Variants in TBC1D5 observed in about 807,000 individuals in gnomAD.
TBC1D5 encodes TBC1 domain family, member 5.
TBC1D5 carries 75 observed loss-of-function variants against 100.3 expected under a neutral mutation model. The observed-to-expected ratio is 0.75, with a 90% CI of 0.62 to 0.91. The LOEUF (loss-of-function observed/expected upper bound fraction) is 0.91. Ranked by LOEUF, TBC1D5 falls within the 40% of genes least tolerant of loss-of-function variation. The pLI is 0.00. For synonymous variants in TBC1D5, 323 were observed against 325.6 expected, an observed-to-expected ratio of 0.99 and a Z score of 0.09; for missense variants, 910 against 942.4, an observed-to-expected ratio of 0.97 and a Z score of 0.45.
intron 19 of TBC1D5, among the ~76,000 whole-genome samples, chr3:17,171,574 G>C (rs1051732479): frequency 5.3e-5 from 8 of 152,102 alleles, no homozygotes; most frequent in African/African-American, 1.9e-4. Context: ...CATCGCTCCA[G>C]TCTTCGCATC....
At chr3:17,650,918 C>T (rs2065486514) in intron 1 of TBC1D5, among the ~76,000 whole-genome samples, 1 of 152,170 alleles carries the variant, frequency 6.6e-6, no homozygotes, top group African/African-American at 2.4e-5. Flanking sequence ...AGATTTTATA[C>T]TGCATTGACA....
At chr3:17,531,522 G>T (rs2096225234) in intron 2 of TBC1D5, among the ~76,000 whole-genome samples, 2 of 152,096 alleles carry the variant, frequency 1.3e-5, no homozygotes, top group South Asian at 2.1e-4. Flanking sequence ...AGCCCGCATT[G>T]CCAAGTCAAT....
At chr3:17,167,724 A>T in intron 20 of TBC1D5, 25 bp downstream of exon 21, 1 of 1,607,754 alleles carries the variant, frequency 6.2e-7, no homozygotes, top group Non-Finnish European at 8.5e-7. Context: ...GACACAAAGA[A>T]ATAGTGTCAG....
At chr3:17,697,335 T>C (rs186310435) in intron 1 of TBC1D5, among the ~76,000 whole-genome samples, 104 of 152,324 alleles carry the variant, frequency 6.8e-4, no homozygotes, top group African/African-American at 2.4e-3. Context: ...GCAGATGACA[T>C]GATTGTATAT....
At chr3:17,336,786 C>G (rs145989945) in intron 13 of TBC1D5, among the ~76,000 whole-genome samples, 1 of 151,530 alleles carries the variant, frequency 6.6e-6, no homozygotes, top group East Asian at 1.9e-4. Context: ...AAGAAGAAAG[C>G]GTCGATGATA....
intron 4 of TBC1D5, among the ~76,000 whole-genome samples, chr3:17,412,082 A>G (rs2093942229): frequency 1.3e-5 from 2 of 152,206 alleles, no homozygotes; most frequent in Admixed American, 1.3e-4. Flanking sequence ...TAAAACATAC[A>G]AAGTTAAAGA....
chr3:17,507,902 A>G (rs2095860361), intron 3 of TBC1D5, among the ~76,000 whole-genome samples: 1 of 152,174 alleles, frequency 6.6e-6, no homozygotes, highest in Non-Finnish European at 1.5e-5. Flanking sequence ...ATACATAAAC[A>G]TTTGATACAT....
At chr3:17,525,860 T>C (rs2096127986) in intron 2 of TBC1D5, among the ~76,000 whole-genome samples, 1 of 152,060 alleles carries the variant, frequency 6.6e-6, no homozygotes, top group Non-Finnish European at 1.5e-5. Flanking sequence ...TTTAAATTGA[T>C]CTATTCTCAT....
chr3:17,539,101 G>A (rs900933867), intron 2 of TBC1D5, among the ~76,000 whole-genome samples: 18 of 152,266 alleles, frequency 1.2e-4, no homozygotes, highest in African/African-American at 1.2e-4. Flanking sequence ...CACAAGAATC[G>A]TGTGAACCTC....
At chr3:17,297,838 C>T (rs912260782) in intron 14 of TBC1D5, among the ~76,000 whole-genome samples, 1 of 151,912 alleles carries the variant, frequency 6.6e-6, no homozygotes, top group South Asian at 2.1e-4. Context: ...GATCCTGCTG[C>T]CTTGGCCTCC....
At chr3:17,278,771 A>C (rs1167711178) in intron 15 of TBC1D5, among the ~76,000 whole-genome samples, 1 of 152,244 alleles carries the variant, frequency 6.6e-6, no homozygotes, top group Non-Finnish European at 1.5e-5. Flanking sequence ...TGGCTAATAA[A>C]ATTTCTATAT....
chr3:17,384,539 A>G (rs985636462), intron 8 of TBC1D5, among the ~76,000 whole-genome samples: 2 of 152,092 alleles, frequency 1.3e-5, no homozygotes, highest in African/African-American at 4.8e-5. Flanking sequence ...GCAAGAACCC[A>G]AAGAGAAAAC....
intron 13 of TBC1D5, among the ~76,000 whole-genome samples, chr3:17,371,037 T>G (rs2092424402): frequency 3.3e-5 from 5 of 151,854 alleles, no homozygotes; most frequent in Admixed American, 3.3e-4. Flanking sequence ...TTTTTTAATT[T>G]GCATACACAC....
chr3:17,368,706 T>C (rs1401805504), intron 13 of TBC1D5, among the ~76,000 whole-genome samples: 2 of 151,818 alleles, frequency 1.3e-5, no homozygotes, highest in African/African-American at 4.8e-5. Flanking sequence ...AAATTTTTCA[T>C]TTTTACTATA....
intron 1 of TBC1D5, among the ~76,000 whole-genome samples, chr3:17,674,742 A>G (rs759850277): frequency 6.6e-6 from 1 of 152,146 alleles, no homozygotes; most frequent in African/African-American, 2.4e-5. Flanking sequence ...AAGATTCAAT[A>G]TAACATAGAA....
rs2073365085 is a variant in TBC1D5 at position 17,214,350 on chromosome 3, T to C, written c.1609A>G (p.Ser537Gly). ...AAACTCTCAACGCTTGGAGATGAAC[T>C]GATGTTTTTAGAACTTAGCCCTGTA... The change falls in exon 18 of 22, where the codon AGT becomes GGT. Residue 537 changes from serine to glycine, a missense_variant. Transcript: ENST00000253692. 3 of 1,612,838 alleles carry C rather than the reference T, an allele frequency of 1.9e-6. No individual in the cohort carries two copies. The South Asian group carries it at 3.3e-5, about 18-fold the overall frequency.
chr3:17,456,622 T>C (rs2149824736), intron 3 of TBC1D5, among the ~76,000 whole-genome samples: 1 of 152,316 alleles, frequency 6.6e-6, no homozygotes, highest in Middle Eastern at 3.4e-3. Context: ...CCAGTTAAAA[T>C]GGCTTTTATC....
At chr3:17,687,458 C>T (rs779824843) in intron 1 of TBC1D5, among the ~76,000 whole-genome samples, 4 of 151,934 alleles carry the variant, frequency 2.6e-5, no homozygotes, top group Non-Finnish European at 5.9e-5. Context: ...AGGTCACATC[C>T]CTCCCAAATC....
chr3:17,647,702 T>G (rs1286967226), intron 1 of TBC1D5, among the ~76,000 whole-genome samples: 3 of 152,196 alleles, frequency 2.0e-5, no homozygotes, highest in African/African-American at 7.2e-5. Context: ...AATGATATAC[T>G]GTCTTAAGCC....
Sources: allele counts gnomAD v4.1 joint callset (sites outside exome capture counted in the v4.1 genomes callset), GRCh38; gene constraint gnomAD v4.1.1; transcripts MANE v1.5; gene names NCBI Gene and HGNC (gene_info 2026-07-23, HGNC 2026-07-21).